Variants in TRIT1 observed in about 807,000 individuals in gnomAD.
TRIT1 encodes tRNA isopentenyltransferase 1.
Under a neutral mutation model 51.2 loss-of-function variants are expected in TRIT1, and 43 were observed. The ratio of observed to expected loss-of-function variants is 0.84; its 90% CI spans 0.66 to 1.08. TRIT1 has a LOEUF of 1.08. TRIT1 is among the 50% of genes least tolerant of loss of function. The pLI is 0.00. For synonymous variants in TRIT1, 184 were observed against 203.9 expected, an observed-to-expected ratio of 0.90 and a Z score of 0.83; for missense variants, 528 against 578.4, an observed-to-expected ratio of 0.91 and a Z score of 0.89.
At chr1:39,859,293 A>C (rs1406582497) in intron 1 of TRIT1, among the ~76,000 whole-genome samples, 4 of 135,922 alleles carry the variant, frequency 2.9e-5, no homozygotes, top group Admixed American at 1.5e-4. Flanking sequence ...AAAAAAAAAA[A>C]AAACGAAAGA....
intron 1 of TRIT1, among the ~76,000 whole-genome samples, chr1:39,858,328 C>G (rs1570043359): frequency 6.6e-6 from 1 of 152,254 alleles, no homozygotes; most frequent in Non-Finnish European, 1.5e-5. Flanking sequence ...GAGGAAAGAC[C>G]CTGGCGCCAG....
intron 1 of TRIT1, among the ~76,000 whole-genome samples, chr1:39,880,010 A>G (rs1644200433): frequency 6.6e-6 from 1 of 151,268 alleles, no homozygotes; most frequent in Non-Finnish European, 1.5e-5. Flanking sequence ...CCCTGTCTCT[A>G]CTAAAAATAC....
At chr1:39,865,320 C>T (rs919062039) in intron 1 of TRIT1, among the ~76,000 whole-genome samples, 2 of 152,182 alleles carry the variant, frequency 1.3e-5, no homozygotes, top group Non-Finnish European at 2.9e-5. Context: ...TGTCAGGAAA[C>T]AATATTGAGA....
intron 4 of TRIT1, 30 bp from the exon 5 acceptor site, chr1:39,850,291 C>A (rs1183375066): frequency 6.2e-7 from 1 of 1,611,496 alleles, no homozygotes; most frequent in South Asian, 1.1e-5. Flanking sequence ...AGGGAGGGGG[C>A]ACACCCATAA....
intron 7 of TRIT1, 44 bp from the exon 8 acceptor site, chr1:39,847,341 T>C: frequency 6.3e-7 from 1 of 1,589,880 alleles, no homozygotes; most frequent in Non-Finnish European, 8.6e-7. Context: ...TAAGCACTCC[T>C]TACCCTGCAG....
chr1:39,857,977 G>A (rs901795035), intron 1 of TRIT1, among the ~76,000 whole-genome samples: 1 of 152,196 alleles, frequency 6.6e-6, no homozygotes, highest in African/African-American at 2.4e-5. Context: ...GAAACATTGT[G>A]ATCTATCAAA....
At chr1:39,863,010 T>C (rs1364122305) in intron 1 of TRIT1, 2 of 945,194 alleles carry the variant, frequency 2.1e-6, no homozygotes, top group Non-Finnish European at 2.5e-6. Context: ...AAGGGACAAC[T>C]GGCTTCTTTG....
chr1:39,864,326 C>T (rs376049595), intron 1 of TRIT1, among the ~76,000 whole-genome samples: 1 of 151,880 alleles, frequency 6.6e-6, no homozygotes, highest in East Asian at 1.9e-4. Flanking sequence ...TATCCATCCC[C>T]AGGCCAGGCG....
chr1:39,852,655 T>C, intron 4 of TRIT1, 76 bp downstream of exon 4: 17 of 1,535,092 alleles, frequency 1.1e-5, no homozygotes, highest in East Asian at 2.3e-5. Flanking sequence ...ATCTCTCTCA[T>C]CATCTGGGCA....
Position 39,883,305 on chromosome 1 carries a change from C to T in TRIT1, c.174+13G>A. The T allele has an allele frequency of 1.3e-6, 2 of 1,597,060 alleles. No homozygotes were observed. The highest frequency in any genetic ancestry group is 1.7e-6 in the Non-Finnish European group (2 of 1,172,474). On this transcript the variant is annotated intron_variant, in intron 1 of 10. Transcript: ENST00000316891. ...GGGGTCCCCAGGCGCCCGGGCCAGC[C>T]GCACTGCCATACCTGCATGGAGTCA... is the stretch of plus-strand genomic sequence containing the variant.
chr1:39,852,629 T>G (rs2124606834), intron 4 of TRIT1, 102 bp downstream of exon 4: 1 of 1,423,878 alleles, frequency 7.0e-7, no homozygotes, highest in East Asian at 2.3e-5. Flanking sequence ...CAATCTCCAC[T>G]AACTGCTATT....
rs1652480012 is a variant in TRIT1 at position 39,839,179 on chromosome 1, G to C, written c.*2565C>G. Among the ~76,000 whole-genome samples, 1 of 152,178 alleles carries C rather than the reference G, an allele frequency of 6.6e-6. No individual in the cohort carries two copies. Among genetic ancestry groups the C allele is most frequent in the South Asian group, 2.1e-4 (1 of 4,832 alleles). Reference sequence around the variant, plus strand: ...GCTGGTGTGATGGACTGGAGGCTCTGGATACCTGGACTGGAGGGCTCTGCT... The same window carrying C: ...GCTGGTGTGATGGACTGGAGGCTCTCGATACCTGGACTGGAGGGCTCTGCT... On this transcript the variant is annotated 3_prime_UTR_variant, in exon 11 of 11. Coordinates refer to ENST00000316891, the MANE Select transcript of TRIT1 (RefSeq NM_017646.6).
chr1:39,861,563 C>T (rs1643245923), intron 1 of TRIT1, among the ~76,000 whole-genome samples: 1 of 152,134 alleles, frequency 6.6e-6, no homozygotes, highest in African/African-American at 2.4e-5. Flanking sequence ...TTCAAGTATC[C>T]ATCCACAGAT....
At chr1:39,880,791 T>C (rs1644235657) in intron 1 of TRIT1, among the ~76,000 whole-genome samples, 1 of 145,570 alleles carries the variant, frequency 6.9e-6, no homozygotes. Context: ...AGAGCAAGAC[T>C]CCGTTTCAAA....
At position 39,848,176 on chromosome 1, in the gene TRIT1, G is replaced by C. The variant is rs555173540; in HGVS notation, c.704-79C>G. On this transcript the variant is annotated intron_variant, in intron 5 of 10. Transcript: ENST00000316891. Reference sequence around the variant, plus strand: ...TACTTACATGACGAGTGAACAGGTGGTCACAAAAAAAGAGAATTTGTCCAA... The same window carrying C: ...TACTTACATGACGAGTGAACAGGTGCTCACAAAAAAAGAGAATTTGTCCAA... 3.9e-6 allele frequency: 4 copies of C among 1,032,994 alleles called. No homozygotes were observed. The South Asian group carries it at 5.5e-5, about 14-fold the overall frequency. The allele number at this position is 1,032,994 out of a possible 1,614,324, so 64.0% of individuals were successfully genotyped here.
chr1:39,877,633 G>A (rs75536609), intron 1 of TRIT1, among the ~76,000 whole-genome samples: 8 of 152,074 alleles, frequency 5.3e-5, no homozygotes, highest in Non-Finnish European at 1.0e-4. Flanking sequence ...GTTTGGCAAG[G>A]GCCTTCAATT....
At chr1:39,875,378 C>T (rs1644016278) in intron 1 of TRIT1, among the ~76,000 whole-genome samples, 1 of 152,060 alleles carries the variant, frequency 6.6e-6, no homozygotes, top group Non-Finnish European at 1.5e-5. Context: ...ATCCCAGCTA[C>T]TCAGGAGGCT....
chr1:39,868,616 C>T (rs1255708316), intron 1 of TRIT1, among the ~76,000 whole-genome samples: 1 of 149,520 alleles, frequency 6.7e-6, no homozygotes, highest in African/African-American at 2.5e-5. Flanking sequence ...TGCACTCCAG[C>T]CTGGGCGACA....
At chr1:39,866,989 A>C (rs1643593676) in intron 1 of TRIT1, among the ~76,000 whole-genome samples, 4 of 152,176 alleles carry the variant, frequency 2.6e-5, no homozygotes, top group African/African-American at 9.7e-5. Context: ...GTCTCAAAAA[A>C]TAAAATAAAA....
Sources: allele counts gnomAD v4.1 joint callset (sites outside exome capture counted in the v4.1 genomes callset), GRCh38; gene constraint gnomAD v4.1.1; transcripts MANE v1.5; gene names NCBI Gene and HGNC (gene_info 2026-07-23, HGNC 2026-07-21).